KLHL6: variants seen among roughly 807,000 people sequenced by gnomAD.
KLHL6 encodes kelch-like protein 6.
A neutral mutation model predicts 58.6 loss-of-function variants in KLHL6; 41 were observed. That is an observed-to-expected ratio of 0.70 (90% CI 0.55 to 0.91). The LOEUF (loss-of-function observed/expected upper bound fraction) is 0.91, where lower values mean the gene tolerates loss of function less well. Ranked by LOEUF, KLHL6 falls within the 40% of genes least tolerant of loss-of-function variation. The probability of loss-of-function intolerance (pLI) is 0.00; values close to 1 mark genes in which losing one functional copy is unlikely to be tolerated. For synonymous variants in KLHL6, 338 were observed against 322.7 expected (o/e 1.05, Z -0.51); for missense variants, 714 against 805.6 (o/e 0.89, Z 1.38).
In KLHL6 at chr3:183,508,092, C is replaced by G; in HGVS notation, c.876G>C (p.Gln292His). Residue 292 changes from glutamine (Q) to histidine (H), a missense_variant, in exon 3 of 7, where the codon CAG (glutamine) becomes CAC (histidine). Coordinates refer to ENST00000341319, the MANE Select transcript of KLHL6 (RefSeq NM_130446.4). ...RQCPEVFPLL[Q>H]EARMYHLSGN... ...CAGAAAGGTGGTACATCCTGGCTTC[C>G]TGGAGCAGCGGGAAGACCTCTGGGC... is the stretch of plus-strand genomic sequence containing the variant. 1 of 1,614,166 alleles carries G rather than the reference C, an allele frequency of 6.2e-7. No individual in the cohort carries two copies. The highest frequency in any genetic ancestry group is 1.1e-5 in the South Asian group (1 of 91,082).
chr3:183,513,668 G>A (rs1176033577), intron 2 of KLHL6, among the ~76,000 whole-genome samples: 2 of 152,166 alleles, frequency 1.3e-5, no homozygotes, highest in Admixed American at 6.5e-5. Context: ...CATCCATCCA[G>A]CTACCTGTGT....
At chr3:183,506,842 A>G (rs1210973923) in intron 3 of KLHL6, among the ~76,000 whole-genome samples, 1 of 138,642 alleles carries the variant, frequency 7.2e-6, no homozygotes, top group Non-Finnish European at 1.6e-5. Flanking sequence ...ATAAATAAAT[A>G]AATAAATAAA....
At chr3:183,517,065 C>T (rs1042560372) in intron 2 of KLHL6, among the ~76,000 whole-genome samples, 4 of 152,180 alleles carry the variant, frequency 2.6e-5, no homozygotes, top group African/African-American at 7.2e-5. Context: ...CGCACCACCA[C>T]ACCCAGCTAA....
At position 183,499,740 on chromosome 3, in the gene KLHL6, A is replaced by C. The variant is rs755862601; in HGVS notation, c.997T>G (p.Phe333Val). The C allele has an allele frequency of 6.2e-7, 1 of 1,610,286 alleles. No homozygotes were observed. The highest frequency in any genetic ancestry group is 1.3e-5 in the African/African-American group (1 of 74,852). ...IIGGCTKDERFVAEVTCLDPL... is the reference protein window; with the variant it reads ...IIGGCTKDERVVAEVTCLDPL... ...TCCAGGCAGGTCACCTCTGCCACAAACCGTTCATCCTTCGTGCAGCCGCCA... is the reference window on the plus strand; with the variant it reads ...TCCAGGCAGGTCACCTCTGCCACAACCCGTTCATCCTTCGTGCAGCCGCCA... Residue 333 changes from phenylalanine (F) to valine (V), a missense_variant, in exon 4 of 7, where the codon TTT (phenylalanine) becomes GTT (valine). By Grantham distance (50) the Phe-to-Val change is conservative. Transcript: ENST00000341319. The surrounding 1 kb of genome is among the most constrained non-coding windows in gnomAD (Gnocchi z 4.6).
Position 183,494,182 on chromosome 3 carries a change from A to G in KLHL6, c.1247T>C (p.Met416Thr), listed in dbSNP as rs766788190. 1.2e-6 allele frequency: 2 copies of G among 1,614,136 alleles called. No homozygotes were observed. The highest frequency in any genetic ancestry group is 8.5e-7 in the Non-Finnish European group (1 of 1,179,976). Residue 416 changes from methionine (M) to threonine (T), a missense_variant, in exon 5 of 7, where the codon ATG (methionine) becomes ACG (threonine). Met to Thr is a moderately conservative substitution (Grantham distance 81, BLOSUM62 -1). Coordinates refer to ENST00000341319, the MANE Select transcript of KLHL6 (RefSeq NM_130446.4). ...ATAGACCTTGCCACCCAACACCACCATCTTATGCCTCCAGCGGCCTATGTT... is the reference window on the plus strand; with the variant it reads ...ATAGACCTTGCCACCCAACACCACCGTCTTATGCCTCCAGCGGCCTATGTT... ...YLNIGRWRHKMVVLGGKVYVI... is the reference protein window; with the variant it reads ...YLNIGRWRHKTVVLGGKVYVI...
At chr3:183,533,862 A>C (rs1004067656) in intron 1 of KLHL6, among the ~76,000 whole-genome samples, 3 of 151,384 alleles carry the variant, frequency 2.0e-5, no homozygotes, top group African/African-American at 7.3e-5. Flanking sequence ...CTTTTCCCTC[A>C]GCTGGCCTCT....
chr3:183,495,591 A>AC (rs397831378), intron 4 of KLHL6, among the ~76,000 whole-genome samples: 3 of 151,308 alleles, frequency 2.0e-5, no homozygotes, highest in Non-Finnish European at 4.4e-5. Context: ...AAAAAAAAAA[A>AC]CCCTGAGAAA....
intron 1 of KLHL6, among the ~76,000 whole-genome samples, chr3:183,541,564 G>C (rs1712553273): frequency 6.6e-6 from 1 of 152,238 alleles, no homozygotes; most frequent in Admixed American, 6.5e-5. Context: ...AAGGGGCTGA[G>C]TGTGGTGGCA....
At chr3:183,538,124 A>C (rs996018788) in intron 1 of KLHL6, among the ~76,000 whole-genome samples, 33 of 152,230 alleles carry the variant, frequency 2.2e-4, no homozygotes, top group African/African-American at 7.9e-4. Context: ...AACTCCTATC[A>C]CACTCCCGAG....
intron 2 of KLHL6, among the ~76,000 whole-genome samples, chr3:183,519,914 A>AC (rs1400732667): frequency 1.7e-4 from 26 of 150,810 alleles, no homozygotes; most frequent in African/African-American, 6.3e-4. Flanking sequence ...AAAAAAAAAA[A>AC]AAACAAGAAA....
In KLHL6 at chr3:183,508,312, T is replaced by A; in HGVS notation, c.656A>T (p.His219Leu). 2 of 1,614,236 alleles carry A rather than the reference T, an allele frequency of 1.2e-6. No homozygotes were observed. The highest frequency in any genetic ancestry group is 1.7e-6 in the Non-Finnish European group (2 of 1,180,040). The change falls in exon 3 of 7, where the codon CAC becomes CTC. Residue 219 changes from histidine to leucine, a missense_variant. Transcript: ENST00000341319. ...EFLDLPVDTL[H>L]HILKSDDLYV... The stretch of plus-strand genomic sequence containing the variant: ...AAGGTCATCACTCTTCAAGATGTGG[T>A]GCAGAGTGTCCACGGGCAGGTCAAG...
intron 4 of KLHL6, among the ~76,000 whole-genome samples, chr3:183,495,889 G>A (rs987411903): frequency 2.6e-5 from 4 of 151,944 alleles, no homozygotes; most frequent in Non-Finnish European, 4.4e-5. Flanking sequence ...GCACAGAAAC[G>A]GACTAAAATA....
At position 183,499,854 on chromosome 3, in the gene KLHL6, G is replaced by T. The variant is rs191152356; in HGVS notation, c.910-27C>A. On this transcript the variant is annotated intron_variant, in intron 3 of 6. Coordinates refer to ENST00000341319, the MANE Select transcript of KLHL6 (RefSeq NM_130446.4). The surrounding 1 kb of genome is among the most constrained non-coding windows in gnomAD (Gnocchi z 4.6). ...TGGAAATCGATGGGGGTACATGAAG[G>T]CAGGGACAACACAAAGTTTCAGAGC... 2.6e-6 allele frequency: 4 copies of T among 1,523,282 alleles called. No individual in the cohort carries two copies. The East Asian group carries it at 9.5e-5, about 36-fold the overall frequency. 94.4% of individuals were successfully genotyped at this position (1,523,282 alleles called of 1,614,324 possible).
At chr3:183,534,718 T>C (rs539462826) in intron 1 of KLHL6, among the ~76,000 whole-genome samples, 8 of 151,972 alleles carry the variant, frequency 5.3e-5, no homozygotes, top group Non-Finnish European at 1.0e-4. Context: ...TTTTAAAAAG[T>C]AAAAAGAAAA....
chr3:183,529,826 T>C (rs1373723510), intron 1 of KLHL6, among the ~76,000 whole-genome samples: 7 of 151,344 alleles, frequency 4.6e-5, no homozygotes, highest in Non-Finnish European at 7.4e-5. Context: ...AACCCCGCAG[T>C]GTGACTCTAT....
intron 3 of KLHL6, among the ~76,000 whole-genome samples, chr3:183,502,168 G>A (rs915511291): frequency 1.3e-5 from 2 of 152,130 alleles, no homozygotes; most frequent in Non-Finnish European, 2.9e-5. Flanking sequence ...AAGGTGTGGT[G>A]GCAGGCACCT....
chr3:183,530,386 T>A (rs903439412), intron 1 of KLHL6, among the ~76,000 whole-genome samples: 1 of 152,194 alleles, frequency 6.6e-6, no homozygotes, highest in Non-Finnish European at 1.5e-5. Flanking sequence ...ATCCTTGTTA[T>A]AAAGTGGCAA....
intron 2 of KLHL6, 54 bp downstream of exon 2, chr3:183,527,791 A>AT: frequency 6.3e-7 from 1 of 1,576,676 alleles, no homozygotes; most frequent in Non-Finnish European, 8.7e-7. Flanking sequence ...CCTCTGGAGA[A>AT]TTACTGCATT....
intron 5 of KLHL6, 39 bp downstream of exon 5, chr3:183,494,040 A>G (rs1268667260): frequency 6.4e-7 from 1 of 1,562,712 alleles, no homozygotes; most frequent in East Asian, 2.2e-5. Context: ...CACTGAAGTA[A>G]TAATACAGGC....
Sources: allele counts gnomAD v4.1 joint callset (sites outside exome capture counted in the v4.1 genomes callset), GRCh38; gene constraint gnomAD v4.1.1; non-coding constraint Gnocchi (gnomAD v3.1); transcripts MANE v1.5; gene names NCBI Gene and HGNC (gene_info 2026-07-23, HGNC 2026-07-21).